POLRMT: variants seen among roughly 807,000 people sequenced by gnomAD.
The protein encoded by POLRMT is RNA polymerase mitochondrial.
Under a neutral mutation model 132.2 loss-of-function variants are expected in POLRMT, and 114 were observed. That is an observed-to-expected ratio of 0.86 (90% CI 0.74 to 1.01). The LOEUF (loss-of-function observed/expected upper bound fraction) is 1.01. Among genes scored for constraint, POLRMT ranks in the 50% least tolerant of loss-of-function variants. The probability of loss-of-function intolerance (pLI) is 0.00; values close to 1 mark genes in which losing one functional copy is unlikely to be tolerated. For missense variants in POLRMT, 2,003 were observed against 1,729.1 expected (o/e 1.16, Z -2.81); for synonymous variants, 1,020 against 773.4 (o/e 1.32, Z -5.29).
At chr19:624,626 AC>A in intron 5 of POLRMT, 92 bp downstream of exon 5, 1 of 1,380,774 alleles carries the variant, frequency 7.2e-7, no homozygotes, top group Non-Finnish European at 9.9e-7. Context: ...AGCCCTGGGC[AC>A]CGGGGAGGCC....
rs764803872 is a variant in POLRMT, at chr19:631,338, A to AAGGG, written c.194-1171_194-1170insCCCT. 1.8e-3 allele frequency among the ~76,000 whole-genome samples: 205 copies of AAGGG among 113,376 alleles called. 1 individual carries two copies. Among genetic ancestry groups the AAGGG allele is most frequent in the Middle Eastern group, 4.9e-3 (1 of 206 alleles). The allele number at this position is 113,376 out of a possible 152,430, so 74.4% of individuals were successfully genotyped here. Reference sequence around the variant, plus strand: ...GCAGGACCCTGTCTCAAAAAAAAAAAGGGGGGGGGGGACCCAGGTGTCCAG... The same window carrying AAGGG: ...GCAGGACCCTGTCTCAAAAAAAAAAAAGGGGGGGGGGGGGGACCCAGGTGTCCAG... On this transcript the variant is annotated intron_variant, in intron 2 of 20. Transcript: ENST00000588649.
intron 2 of POLRMT, among the ~76,000 whole-genome samples, chr19:632,494 G>C (rs12610820): frequency 0.11 from 16,818 of 150,128 alleles, 1,103 homozygotes; most frequent in East Asian, 0.25. Flanking sequence ...TCAGTTCAGG[G>C]TTCACATCCT....
rs766046561 is a variant in POLRMT at position 629,901 on chromosome 19, T to C, written c.461A>G (p.Lys154Arg). Residue 154 changes from lysine to arginine, a missense_variant, in exon 3 of 21, where the codon AAG becomes AGG. Physicochemically the swap from Lys to Arg is conservative, Grantham distance 26 (BLOSUM62 2). Coordinates refer to ENST00000588649, the MANE Select transcript of POLRMT (RefSeq NM_005035.4). ...LQMPFQSGEF[K>R]ALTRRLQVEP... ...CACCTGCAGGCGCCTGGTCAGCGCC[T>C]TGAACTCCCCGCTCTGGAATGGCAT... is the stretch of plus-strand genomic sequence containing the variant. 1.8e-5 allele frequency: 29 copies of C among 1,613,156 alleles called. No individual in the cohort carries two copies. Among genetic ancestry groups the C allele is most frequent in the Non-Finnish European group, 2.5e-5 (29 of 1,179,910 alleles).
Position 619,765 on chromosome 19 carries a change from C to T in POLRMT, c.2887G>A (p.Val963Met), listed in dbSNP as rs1600560342. The T allele has an allele frequency of 2.5e-6, 4 of 1,569,214 alleles. No individual in the cohort carries two copies. In the East Asian group the frequency reaches 9.0e-5, roughly 35 times the overall value. Residue 963 changes from valine to methionine, a missense_variant and splice_region_variant, in exon 13 of 21, where the codon GTG becomes ATG. Val to Met is a conservative substitution (Grantham distance 21). Transcript: ENST00000588649. ...QDVYSGVAAQ[V>M]EVFRRQDAQR... ...GCGTCCTGCCTACGGAACACCTCCA[C>T]CTGCACGGCGGGTGGGCCGGGGGCG...
chr19:617,944 G>A, intron 17 of POLRMT, 95 bp from the exon 18 acceptor site: 3 of 1,213,018 alleles, frequency 2.5e-6, no homozygotes, highest in Non-Finnish European at 3.6e-6. Flanking sequence ...CTCCACTTGA[G>A]GTCCAGGGAA....
At chr19:632,540 G>C (rs1402421199) in intron 2 of POLRMT, among the ~76,000 whole-genome samples, 1 of 142,916 alleles carries the variant, frequency 7.0e-6, no homozygotes, top group African/African-American at 2.5e-5. Context: ...CGGGGCCGGG[G>C]GGGGGGTCTC....
In POLRMT at chr19:620,302, C is replaced by A. The variant is rs1452527380; in HGVS notation, c.2763+63G>T. 8.7e-6 allele frequency: 13 copies of A among 1,485,814 alleles called. No homozygotes were observed. The East Asian group carries it at 3.2e-4, about 37-fold the overall frequency. The allele number at this position is 1,485,814 out of a possible 1,614,324, so 92.0% of individuals were successfully genotyped here. A position where few individuals can be genotyped will look rare whatever the true frequency, so the allele number is the denominator to read the frequency against. On this transcript the variant is annotated intron_variant, in intron 11 of 20. Transcript: ENST00000588649. ...GAGCGAAGGTGAAATCTCACACCCT[C>A]AAGTCGAGCCCCAGGCCCAGTGCAC... is the stretch of plus-strand genomic sequence containing the variant.
chr19:625,438 G>A (rs1477463116), intron 3 of POLRMT, 184 bp from the exon 4 acceptor site: 2 of 735,054 alleles, frequency 2.7e-6, no homozygotes, highest in Non-Finnish European at 4.2e-6. Context: ...TCCACCTGCA[G>A]AGGCAGCCGC....
chr19:617,224 T>TG lies in POLRMT; in HGVS notation c.*49dup, dbSNP rs777725449. The TG allele has an allele frequency of 2.2e-5, 35 of 1,597,632 alleles. 1 individual carries two copies. In the South Asian group the frequency reaches 3.4e-4, roughly 16 times the overall value. On this transcript the variant is annotated 3_prime_UTR_variant, in exon 21 of 21. Transcript: ENST00000588649. ...CACCCTTCCTGAAGACAGTGGCTCC[T>TG]GGGGGTGGCAAAAGAGCTTTATTTA...
chr19:618,703 A>AC lies in POLRMT; in HGVS notation c.3323+1dup. 6.2e-7 allele frequency: 1 copy of AC among 1,606,994 alleles called. No individual in the cohort carries two copies. The highest frequency in any genetic ancestry group is 1.3e-5 in the African/African-American group (1 of 74,906). On this transcript the variant is annotated splice_donor_variant, in intron 16 of 20. Coordinates refer to ENST00000588649, the MANE Select transcript of POLRMT (RefSeq NM_005035.4). LOFTEE classifies it high-confidence loss of function. The stretch of plus-strand genomic sequence containing the variant: ...AGGCCCCAGCCCGGGCCCCCCACTC[A>AC]CCGGCTGATGTCTCCGTTGTGGGTG...
At chr19:618,455 C>A in intron 17 of POLRMT, 33 bp downstream of exon 17, 1 of 1,517,602 alleles carries the variant, frequency 6.6e-7, no homozygotes, top group Non-Finnish European at 9.0e-7. Context: ...CCCTGGGAGG[C>A]GAGCGGCACC....
Position 622,265 on chromosome 19 carries a change from G to C in POLRMT, c.1735C>G (p.Leu579Val). Reference protein sequence around the residue: ...LPVQMELGKLLAEMLVQATQM... With the variant: ...LPVQMELGKLVAEMLVQATQM... The stretch of plus-strand genomic sequence containing the variant: ...GTAGCCTGCACCAGCATCTCCGCCA[G>C]CAGCTTGCCCAGCTCCATCTGCACT... The change falls in exon 9 of 21, where the codon CTG becomes GTG. Residue 579 changes from leucine to valine, a missense_variant. By Grantham distance (32) the Leu-to-Val change is conservative. Coordinates refer to ENST00000588649, the MANE Select transcript of POLRMT (RefSeq NM_005035.4). 6.4e-7 allele frequency: 1 copy of C among 1,561,924 alleles called. No individual in the cohort carries two copies. Among genetic ancestry groups the C allele is most frequent in the Non-Finnish European group, 8.7e-7 (1 of 1,154,370 alleles).
Position 629,540 on chromosome 19 carries a change from C to T in POLRMT, c.822G>A (p.Gln274=). ...YNAVMLGWAR[Q]GAFKELVYVL... ...TGGCCCGGCTCCCGGCTGCACTCAC[C>T]TGCCGCGCCCAGCCAAGCATCACGG... Residue 274 remains glutamine (Q), a splice_region_variant and synonymous_variant, in exon 3 of 21, where the codon CAG becomes CAA. Transcript: ENST00000588649. 6.6e-7 allele frequency: 1 copy of T among 1,521,870 alleles called. No homozygotes were observed. Among genetic ancestry groups the T allele is most frequent in the East Asian group, 2.3e-5 (1 of 43,310 alleles). The allele number at this position is 1,521,870 out of a possible 1,614,324, so 94.3% of individuals were successfully genotyped here.
In POLRMT at chr19:623,623, G is replaced by A. The variant is rs201486335; in HGVS notation, c.1141-20C>T. 1 of 1,610,364 alleles carries A rather than the reference G, an allele frequency of 6.2e-7. No homozygotes were observed. The highest frequency in any genetic ancestry group is 8.5e-7 in the Non-Finnish European group (1 of 1,177,480). On this transcript the variant is annotated intron_variant, in intron 5 of 20. Coordinates refer to ENST00000588649, the MANE Select transcript of POLRMT (RefSeq NM_005035.4). ...CCCATCCTGCAGGGATGGGGGTAGT[G>A]AGGTTGGGGGCTTGCCAGAGGGCGA...
intron 15 of POLRMT, 107 bp from the exon 16 acceptor site, chr19:618,867 T>A (rs1984245225): frequency 5.7e-6 from 8 of 1,393,628 alleles, no homozygotes; most frequent in Non-Finnish European, 7.9e-6. Context: ...GGTGGCACAC[T>A]GGCGCGGGAT....
rs1985299108 is a variant in POLRMT, at chr19:630,033, C to T, written c.329G>A (p.Gly110Glu). 1 of 1,613,860 alleles carries T rather than the reference C, an allele frequency of 6.2e-7. No individual in the cohort carries two copies. Among genetic ancestry groups the T allele is most frequent in the Non-Finnish European group, 8.5e-7 (1 of 1,180,022 alleles). Reference sequence around the variant, plus strand: ...GGGCACCGGGGTGGCATCCTTGGCCCCCATCTGGACCTTCCTGGGTGGCTG... The same window carrying T: ...GGGCACCGGGGTGGCATCCTTGGCCTCCATCTGGACCTTCCTGGGTGGCTG... ...SLQPPRKVQM[G>E]AKDATPVPCG... is the part of the protein sequence containing the mutation. Residue 110 changes from glycine (G) to glutamate (E), a missense_variant, in exon 3 of 21, where the codon GGG becomes GAG. Transcript: ENST00000588649.
At position 617,779 on chromosome 19, in the gene POLRMT, G is replaced by A. The variant is rs1394215304; in HGVS notation, c.3493C>T (p.Gln1165Ter). Reference protein sequence around the residue: ...THAADVSVMNQVCREQFVRLH... With the variant: ...THAADVSVMN ...TGAGGCTCAGACTACGGGGGCACCT[G>A]GTTCATGACGGAGACATCAGCTGCG... Residue 1165 changes from glutamine to a stop codon, truncating the protein, a stop_gained and splice_region_variant, in exon 18 of 21, where the codon CAG becomes TAG. Coordinates refer to ENST00000588649, the MANE Select transcript of POLRMT (RefSeq NM_005035.4). LOFTEE classifies it high-confidence loss of function. 1.9e-6 allele frequency: 3 copies of A among 1,613,142 alleles called. No individual in the cohort carries two copies. Among genetic ancestry groups the A allele is most frequent in the Admixed American group, 1.7e-5 (1 of 59,990 alleles).
Position 622,955 on chromosome 19 carries a change from A to T in POLRMT, c.1321T>A (p.Trp441Arg). 3 of 1,612,772 alleles carry T rather than the reference A, an allele frequency of 1.9e-6. No individual in the cohort carries two copies. Among genetic ancestry groups the T allele is most frequent in the Non-Finnish European group, 1.7e-6 (2 of 1,179,864 alleles). ...AGCGCCCGGCACAGTGCTTTCTCCC[A>T]TTGGTCCCGCAGGGTCTTCAGGGTC... is the stretch of plus-strand genomic sequence containing the variant. ...RKTLKTLRDQWEKALCRALRE... is the reference protein window; with the variant it reads ...RKTLKTLRDQREKALCRALRE... Residue 441 changes from tryptophan to arginine, a missense_variant, in exon 7 of 21, where the codon TGG becomes AGG. Coordinates refer to ENST00000588649, the MANE Select transcript of POLRMT (RefSeq NM_005035.4).
chr19:629,475 T>A, intron 3 of POLRMT, 65 bp downstream of exon 3: 1 of 1,425,010 alleles, frequency 7.0e-7, no homozygotes, highest in Non-Finnish European at 9.2e-7. Flanking sequence ...AAGTCCAGTC[T>A]AAATGAGGGC....
Sources: allele counts gnomAD v4.1 joint callset (sites outside exome capture counted in the v4.1 genomes callset), GRCh38; gene constraint gnomAD v4.1.1; transcripts MANE v1.5; gene names NCBI Gene and HGNC (gene_info 2026-07-23, HGNC 2026-07-21).